AR: variants seen among roughly 807,000 people sequenced by gnomAD.
The protein encoded by AR is androgen receptor.
A neutral mutation model predicts 53.9 loss-of-function variants in AR; 8 were observed. The observed-to-expected ratio is 0.15, with a 90% confidence interval of 0.09 to 0.27. AR has a LOEUF of 0.27. Ranked by LOEUF, AR falls within the 10% of genes least tolerant of loss-of-function variation. AR has a pLI of 1.00. For missense variants in AR, 639 were observed against 742.5 expected (o/e 0.86, Z 1.62); for synonymous variants, 359 against 316.4 (o/e 1.13, Z -1.43).
chrX:67,704,136 C>T (rs910364095), intron 3 of AR, among the ~76,000 whole-genome samples: 11 of 111,817 alleles, frequency 9.8e-5, no homozygotes, highest in African/African-American at 1.6e-4. Context: ...AGCAGCATGA[C>T]ATATAATCCT....
intron 1 of AR, among the ~76,000 whole-genome samples, chrX:67,638,192 T>A (rs960021598): frequency 8.9e-6 from 1 of 112,014 alleles, no homozygotes; most frequent in African/African-American, 3.2e-5. Context: ...CCATGGTGTA[T>A]ATGTGCCACA....
chrX:67,545,233 C>T lies in AR; in HGVS notation c.87C>T (p.Ser29=), dbSNP rs530034797. The change falls in exon 1 of 8, where the codon AGC becomes AGT. Residue 29 remains serine, a synonymous_variant. Coordinates refer to ENST00000374690, the MANE Select transcript of AR (RefSeq NM_000044.6). The part of the protein sequence containing the change: ...YRGAFQNLFQ[S]VREVIQNPGP... ...GAGCTTTCCAGAATCTGTTCCAGAGCGTGCGCGAAGTGATCCAGAACCCGG... is the reference window on the plus strand; with the variant it reads ...GAGCTTTCCAGAATCTGTTCCAGAGTGTGCGCGAAGTGATCCAGAACCCGG... 2.5e-6 allele frequency: 3 copies of T among 1,210,398 alleles called. No individual in the cohort carries two copies. Among genetic ancestry groups the T allele is most frequent in the South Asian group, 1.8e-5 (1 of 56,844 alleles).
chrX:67,625,313 C>G (rs1924577350), intron 1 of AR, among the ~76,000 whole-genome samples: 1 of 111,204 alleles, frequency 9.0e-6, no homozygotes, highest in African/African-American at 3.3e-5. Flanking sequence ...CTAGAGGACT[C>G]AATATTGTCA....
chrX:67,679,828 G>A (rs918964987), intron 2 of AR, among the ~76,000 whole-genome samples: 1 of 111,372 alleles, frequency 9.0e-6, no homozygotes, highest in African/African-American at 3.3e-5. Context: ...CATACTTGAT[G>A]CTAATAATTA....
intron 2 of AR, among the ~76,000 whole-genome samples, chrX:67,649,023 T>C (rs939321690): frequency 1.7e-4 from 19 of 111,572 alleles, no homozygotes; most frequent in Non-Finnish European, 3.4e-4. Flanking sequence ...ATCCCTCCAC[T>C]AGCCCACCAC....
At chrX:67,722,073 C>A in intron 6 of AR, 110 bp downstream of exon 6, 1 of 923,502 alleles carries the variant, frequency 1.1e-6, no homozygotes. Context: ...GGACATTTCC[C>A]TTCTTCATTC....
chrX:67,653,598 G>C (rs746179393), intron 2 of AR, among the ~76,000 whole-genome samples: 169 of 111,518 alleles, frequency 1.5e-3, no homozygotes, highest in Admixed American at 4.7e-3. Context: ...AGGTTATTGT[G>C]GGGAATCTCA....
In AR at chrX:67,631,322, G is replaced by A. The variant is rs188909620; in HGVS notation, c.1617-11934G>A. On this transcript the variant is annotated intron_variant, in intron 1 of 7. Coordinates refer to ENST00000374690, the MANE Select transcript of AR (RefSeq NM_000044.6). ...CTTTTCCCATAGTCCCATATTTCTTGGAGGCTTTGCTCGTTTCTTTTTATT... is the reference window on the plus strand; with the variant it reads ...CTTTTCCCATAGTCCCATATTTCTTAGAGGCTTTGCTCGTTTCTTTTTATT... Among the ~76,000 whole-genome samples the A allele has an allele frequency of 9.2e-3, 1,027 of 111,118 alleles. 14 individuals carry two copies. The highest frequency in any genetic ancestry group is 0.032 in the African/African-American group (982 of 30,457).
At chrX:67,660,021 C>A (rs148267176) in intron 2 of AR, among the ~76,000 whole-genome samples, 6 of 111,612 alleles carry the variant, frequency 5.4e-5, no homozygotes, top group African/African-American at 2.0e-4. Context: ...TTCTTTGAGA[C>A]GTGTCTGTTC....
intron 2 of AR, among the ~76,000 whole-genome samples, chrX:67,648,743 T>C (rs1926183165): frequency 8.9e-6 from 1 of 112,314 alleles, no homozygotes; most frequent in African/African-American, 3.2e-5. Flanking sequence ...CAGGGATTAA[T>C]AAGAAGTTGC....
At chrX:67,674,500 C>T (rs757733631) in intron 2 of AR, among the ~76,000 whole-genome samples, 12 of 111,125 alleles carry the variant, frequency 1.1e-4, no homozygotes, top group Non-Finnish European at 2.1e-4. Context: ...GAGCTGGCAC[C>T]CAATCCATAA....
At chrX:67,631,401 C>T (rs1465582305) in intron 1 of AR, among the ~76,000 whole-genome samples, 1 of 111,903 alleles carries the variant, frequency 8.9e-6, no homozygotes, top group Admixed American at 9.5e-5. Flanking sequence ...CATCTTCCAT[C>T]GCTGATACCC....
chrX:67,646,977 C>T (rs1330031362), intron 2 of AR, among the ~76,000 whole-genome samples: 1 of 110,964 alleles, frequency 9.0e-6, no homozygotes, highest in Non-Finnish European at 1.9e-5. Flanking sequence ...AAACTCAGGA[C>T]TCAGATTTTC....
At chrX:67,670,038 A>T (rs2075854004) in intron 2 of AR, among the ~76,000 whole-genome samples, 1 of 96,782 alleles carries the variant, frequency 1.0e-5, no homozygotes, top group Non-Finnish European at 2.1e-5. Flanking sequence ...TTTTTAAAAA[A>T]TTTCATTAGT....
intron 3 of AR, among the ~76,000 whole-genome samples, chrX:67,709,261 G>A (rs944048594): frequency 8.9e-6 from 1 of 112,232 alleles, no homozygotes; most frequent in African/African-American, 3.2e-5. Context: ...AGGCATGCAG[G>A]CCTCCTTGAG....
chrX:67,568,755 G>A (rs1029301694), intron 1 of AR: 68 of 907,439 alleles, frequency 7.5e-5, no homozygotes, highest in African/African-American at 1.2e-4. Flanking sequence ...GCTTATCTGC[G>A]CCGTCCCTCC....
chrX:67,626,735 C>T (rs1486850397), intron 1 of AR, among the ~76,000 whole-genome samples: 1 of 98,617 alleles, frequency 1.0e-5, no homozygotes, highest in Non-Finnish European at 2.0e-5. Flanking sequence ...CACCCACTAA[C>T]TCATCATCTA....
At chrX:67,642,063 G>A (rs1422506518) in intron 1 of AR, among the ~76,000 whole-genome samples, 1 of 111,179 alleles carries the variant, frequency 9.0e-6, no homozygotes, top group Non-Finnish European at 1.9e-5. Flanking sequence ...AAATAAGCTT[G>A]TCTTCACAGA....
intron 3 of AR, among the ~76,000 whole-genome samples, chrX:67,698,224 T>C (rs1217327283): frequency 4.5e-5 from 5 of 112,117 alleles, no homozygotes; most frequent in Non-Finnish European, 3.8e-5. Context: ...CTCCCCTGAC[T>C]CACAATCCAG....
Sources: allele counts gnomAD v4.1 joint callset (sites outside exome capture counted in the v4.1 genomes callset), GRCh38; gene constraint gnomAD v4.1.1; transcripts MANE v1.5; gene names NCBI Gene and HGNC (gene_info 2026-07-23, HGNC 2026-07-21).